The following PTPRZ1 variants were observed in gnomAD, a reference collection of about 807,000 sequenced individuals.
PTPRZ1 encodes the protein protein tyrosine phosphatase receptor type Z1.
A neutral mutation model predicts 214.1 loss-of-function variants in PTPRZ1; 82 were observed. The ratio of observed to expected loss-of-function variants is 0.38; its 90% confidence interval spans 0.32 to 0.46. The LOEUF (loss-of-function observed/expected upper bound fraction) is 0.46, where lower values mean the gene tolerates loss of function less well. Ranked by LOEUF, PTPRZ1 falls within the 20% of genes least tolerant of loss-of-function variation. The pLI, the probability that PTPRZ1 is intolerant of heterozygous loss-of-function variation, is 1.00. For synonymous variants in PTPRZ1, 945 were observed against 987.9 expected (o/e 0.96, Z 0.81); for missense variants, 2,603 against 2,748.7 (o/e 0.95, Z 1.19).
chr7:121,873,839 C>A lies in PTPRZ1; in HGVS notation c.58+282C>A, dbSNP rs117797101. Among the ~76,000 whole-genome samples the A allele has an allele frequency of 6.4e-3, 981 of 152,288 alleles. 6 individuals carry two copies. Among genetic ancestry groups the A allele is most frequent in the South Asian group, 0.032 (154 of 4,822 alleles). ...GAGCTACTGGAGACGGAGGGCTACT[C>A]GGATCCCTGCCGCCACCGTTCTTCT... On this transcript the variant is annotated intron_variant, in intron 1 of 29. Coordinates refer to ENST00000393386, the MANE Select transcript of PTPRZ1 (RefSeq NM_002851.3).
chr7:121,886,289 T>C (rs960348324), intron 1 of PTPRZ1, among the ~76,000 whole-genome samples: 1 of 152,184 alleles, frequency 6.6e-6, no homozygotes, highest in African/African-American at 2.4e-5. Flanking sequence ...ATCTGTAGAC[T>C]GGAGTTTAAA....
intron 4 of PTPRZ1, among the ~76,000 whole-genome samples, chr7:121,973,354 A>C (rs186466298): frequency 1.6e-3 from 251 of 152,326 alleles, no homozygotes; most frequent in Non-Finnish European, 3.0e-3. Flanking sequence ...ATAAGGTATT[A>C]ATGGTTTTAA....
intron 8 of PTPRZ1, among the ~76,000 whole-genome samples, chr7:121,991,626 T>C (rs1022035380): frequency 6.6e-6 from 1 of 152,230 alleles, no homozygotes; most frequent in African/African-American, 2.4e-5. Context: ...AACACTGTAC[T>C]GCACCTATGT....
At chr7:121,893,405 A>G (rs1179413821) in intron 1 of PTPRZ1, among the ~76,000 whole-genome samples, 3 of 152,176 alleles carry the variant, frequency 2.0e-5, no homozygotes, top group Non-Finnish European at 2.9e-5. Flanking sequence ...ATCTTGCTCC[A>G]CTGTCTTGGA....
At chr7:121,964,879 G>C (rs1335139184) in intron 2 of PTPRZ1, among the ~76,000 whole-genome samples, 1 of 152,150 alleles carries the variant, frequency 6.6e-6, no homozygotes, top group Non-Finnish European at 1.5e-5. Flanking sequence ...ATGCTCAAGG[G>C]ACAGAATGGA....
intron 1 of PTPRZ1, among the ~76,000 whole-genome samples, chr7:121,883,364 C>T (rs1794299623): frequency 6.6e-6 from 1 of 152,118 alleles, no homozygotes; most frequent in Non-Finnish European, 1.5e-5. Flanking sequence ...AAACTACTTA[C>T]TTCATTCACC....
rs746242176 is a variant in PTPRZ1 at position 122,011,388 on chromosome 7, T to A, written c.2342T>A (p.Leu781His). 2 of 1,614,050 alleles carry A rather than the reference T, an allele frequency of 1.2e-6. No individual in the cohort carries two copies. Among genetic ancestry groups the A allele is most frequent in the South Asian group, 2.2e-5 (2 of 91,084 alleles). The change falls in exon 12 of 30, where the codon CTC becomes CAC. Residue 781 changes from leucine (L) to histidine (H), a missense_variant. By Grantham distance (99) the Leu-to-His change is moderately conservative. Transcript: ENST00000393386. ...CCTTTGTTGCTTGACAATCAGATCC[T>A]CAACACTACCCCTGCTGCTTCAAGT... ...VTPLLLDNQI[L>H]NTTPAASSSD...
chr7:121,987,440 G>C (rs1797791644), intron 8 of PTPRZ1, among the ~76,000 whole-genome samples: 1 of 152,170 alleles, frequency 6.6e-6, no homozygotes, highest in Non-Finnish European at 1.5e-5. Flanking sequence ...TGGGATTGCT[G>C]GGTCAAACGG....
chr7:122,053,021 T>C (rs1792234530), intron 25 of PTPRZ1, among the ~76,000 whole-genome samples: 1 of 152,174 alleles, frequency 6.6e-6, no homozygotes, highest in Admixed American at 6.5e-5. Flanking sequence ...ATGGGTTCCA[T>C]TGAGCAGTCT....
intron 1 of PTPRZ1, among the ~76,000 whole-genome samples, chr7:121,913,072 A>G (rs1439783330): frequency 1.3e-5 from 2 of 152,240 alleles, no homozygotes; most frequent in Non-Finnish European, 2.9e-5. Flanking sequence ...TAAGCAGTTC[A>G]TGCCTTCATG....
intron 3 of PTPRZ1, 61 bp downstream of exon 3, chr7:121,968,191 C>G: frequency 7.2e-7 from 1 of 1,393,582 alleles, no homozygotes; most frequent in Non-Finnish European, 9.7e-7. Context: ...TATGTTTAGA[C>G]TAGTTTCATC....
chr7:121,908,966 G>T (rs758395290), intron 1 of PTPRZ1: 8 of 517,128 alleles, frequency 1.5e-5, no homozygotes, highest in South Asian at 1.1e-4. Context: ...AGACATGTTA[G>T]ACTTTAGTAT....
intron 1 of PTPRZ1, among the ~76,000 whole-genome samples, chr7:121,880,535 T>G (rs1794207352): frequency 6.6e-6 from 1 of 152,156 alleles, no homozygotes. Context: ...TGTATTTACC[T>G]AAGGATGGGT....
intron 1 of PTPRZ1, among the ~76,000 whole-genome samples, chr7:121,908,275 C>T (rs141752209): frequency 7.6e-4 from 115 of 152,186 alleles, no homozygotes; most frequent in African/African-American, 2.6e-3. Context: ...CTGTTGTCAA[C>T]TCCATATCTT....
intron 1 of PTPRZ1, among the ~76,000 whole-genome samples, chr7:121,927,715 A>G (rs532714484): frequency 3.0e-4 from 46 of 152,172 alleles, no homozygotes; most frequent in African/African-American, 9.2e-4. Context: ...AGCGTGATAA[A>G]CTCTGGGTAC....
chr7:122,019,361 G>A (rs1284527420), intron 13 of PTPRZ1, 93 bp downstream of exon 13: 8 of 1,262,778 alleles, frequency 6.3e-6, no homozygotes, highest in South Asian at 2.7e-5. Flanking sequence ...TATTCAAAAT[G>A]TATTTTACCT....
At chr7:121,970,789 A>G (rs2116522682) in intron 3 of PTPRZ1, among the ~76,000 whole-genome samples, 1 of 152,270 alleles carries the variant, frequency 6.6e-6, no homozygotes, top group Non-Finnish European at 1.5e-5. Flanking sequence ...TTTGCTGTGC[A>G]GAAGCTCTTT....
At chr7:121,952,209 C>T (rs1796568531) in intron 2 of PTPRZ1, among the ~76,000 whole-genome samples, 2 of 152,074 alleles carry the variant, frequency 1.3e-5, no homozygotes, top group African/African-American at 2.4e-5. Context: ...TGGCCGGCCT[C>T]GGCCTCCCAA....
At chr7:122,036,739 C>T (rs1483344329) in intron 18 of PTPRZ1, 57 bp downstream of exon 18, 31 of 1,188,642 alleles carry the variant, frequency 2.6e-5, no homozygotes, top group Middle Eastern at 2.4e-4. Context: ...AATTATTATA[C>T]CATAATGCCA....
Sources: gnomAD v4.1 joint callset for allele counts (sites outside exome capture counted in the v4.1 genomes callset) on GRCh38, gnomAD v4.1.1 for gene constraint, MANE v1.5 for transcripts, NCBI Gene and HGNC (gene_info 2026-07-23, HGNC 2026-07-21) for gene names.